The following SGIP1 variants were observed in gnomAD, a reference collection of about 807,000 sequenced individuals.
SGIP1 encodes the protein SH3-containing GRB2-like protein 3-interacting protein 1.
In SGIP1, 38 loss-of-function variants were observed where a neutral mutation model predicts 107.5. The observed-to-expected ratio is 0.35, with a 90% CI of 0.27 to 0.46. SGIP1 has a LOEUF of 0.46. Ranked by LOEUF, SGIP1 falls within the 20% of genes least tolerant of loss-of-function variation. SGIP1 has a pLI of 1.00. For synonymous variants in SGIP1, 365 were observed against 366.1 expected (o/e 1.00, Z 0.03); for missense variants, 929 against 1,019.5 (o/e 0.91, Z 1.21).
chr1:66,630,451 A>G (rs1183294126), intron 2 of SGIP1, among the ~76,000 whole-genome samples: 1 of 152,152 alleles, frequency 6.6e-6, no homozygotes, highest in South Asian at 2.1e-4. Context: ...TTGAAGTCCT[A>G]GTAAGAATTA....
intron 1 of SGIP1, among the ~76,000 whole-genome samples, chr1:66,625,325 G>C (rs2072395817): frequency 6.6e-6 from 1 of 152,216 alleles, no homozygotes; most frequent in African/African-American, 2.4e-5. Flanking sequence ...TTTGGGGTGT[G>C]TTCAGAGAAT....
chr1:66,605,058 C>G (rs2066565036), intron 1 of SGIP1, among the ~76,000 whole-genome samples: 1 of 152,146 alleles, frequency 6.6e-6, no homozygotes, highest in Admixed American at 6.5e-5. Context: ...AATCTAACCC[C>G]ATAAATGTTT....
chr1:66,690,344 C>A, intron 17 of SGIP1, 28 bp downstream of exon 17: 1 of 1,612,790 alleles, frequency 6.2e-7, no homozygotes, highest in Non-Finnish European at 8.5e-7. Context: ...TCTTTTAATC[C>A]GTTTGTGGTT....
At chr1:66,740,418 T>C (rs1358417827) in intron 22 of SGIP1, among the ~76,000 whole-genome samples, 1 of 152,228 alleles carries the variant, frequency 6.6e-6, no homozygotes, top group African/African-American at 2.4e-5. Flanking sequence ...AAAAAATTAA[T>C]TCTACTTTGT....
rs916010498 is a variant in SGIP1 at position 66,656,937 on chromosome 1, T to A, written c.460-3576T>A. Among the ~76,000 whole-genome samples the A allele has an allele frequency of 2.0e-5, 3 of 152,088 alleles. No individual in the cohort carries two copies. In the East Asian group the frequency reaches 5.8e-4, roughly 29 times the overall value. On this transcript the variant is annotated intron_variant, in intron 7 of 24. Coordinates refer to ENST00000371037, the MANE Select transcript of SGIP1 (RefSeq NM_032291.4). ...AATCCCAGTGCTTTGGGAAGCAACG[T>A]TGGGAGGATAGCTTGAGCCCAGGAG...
At chr1:66,732,126 A>T (rs1286415321) in intron 20 of SGIP1, among the ~76,000 whole-genome samples, 1 of 152,206 alleles carries the variant, frequency 6.6e-6, no homozygotes, top group African/African-American at 2.4e-5. Flanking sequence ...AGCATTATAT[A>T]ATTGAGGGTT....
At chr1:66,581,333 G>A (rs1364803461) in intron 1 of SGIP1, among the ~76,000 whole-genome samples, 2 of 151,844 alleles carry the variant, frequency 1.3e-5, no homozygotes, top group Admixed American at 1.3e-4. Context: ...TTCTTTTCTT[G>A]TATGTAAATA....
chr1:66,554,774 A>T (rs1281048718), intron 1 of SGIP1, among the ~76,000 whole-genome samples: 1 of 152,156 alleles, frequency 6.6e-6, no homozygotes, highest in African/African-American at 2.4e-5. Context: ...CTGGGTCCCA[A>T]GCATTTTGGA....
intron 1 of SGIP1, among the ~76,000 whole-genome samples, chr1:66,608,358 A>G (rs1284295065): frequency 1.3e-5 from 2 of 152,222 alleles, no homozygotes; most frequent in African/African-American, 2.4e-5. Flanking sequence ...TCTGATGATA[A>G]TATTTCTAAT....
rs2094510770 is a variant in SGIP1, at chr1:66,743,275, A to G, written c.*180A>G. The G allele has an allele frequency of 3.6e-6, 2 of 550,466 alleles. No homozygotes were observed. Among genetic ancestry groups the G allele is most frequent in the East Asian group, 3.1e-5 (1 of 32,556 alleles). The allele number at this position is 550,466 out of a possible 1,614,324, so 34.1% of individuals were successfully genotyped here. ...ACACTACCATGATGACCAGTCCTAC[A>G]GTATTTACTTCTAGGTGTAATATTG... On this transcript the variant is annotated 3_prime_UTR_variant, in exon 25 of 25. Transcript: ENST00000371037.
At chr1:66,551,156 C>A (rs547049414) in intron 1 of SGIP1, among the ~76,000 whole-genome samples, 1 of 152,004 alleles carries the variant, frequency 6.6e-6, no homozygotes. Flanking sequence ...ATTAAGGATG[C>A]CTTTGTTCTG....
rs559263890 is a variant in SGIP1 at position 66,714,749 on chromosome 1, G to A, written c.1631-4545G>A. ...CCTAAGGTTAAGAGATTTCCCCAAG[G>A]CCACAGAGCTCTTAACTTGCAGATC... On this transcript the variant is annotated intron_variant, in intron 18 of 24. Coordinates refer to ENST00000371037, the MANE Select transcript of SGIP1 (RefSeq NM_032291.4). Among the ~76,000 whole-genome samples, 37 of 152,176 alleles carry A rather than the reference G, an allele frequency of 2.4e-4. No individual in the cohort carries two copies. In the South Asian group the frequency reaches 7.3e-3, roughly 30 times the overall value.
chr1:66,739,251 G>A, intron 21 of SGIP1, 84 bp from the exon 22 acceptor site: 1 of 1,453,704 alleles, frequency 6.9e-7, no homozygotes, highest in Non-Finnish European at 9.4e-7. Flanking sequence ...CTTGTGAGCA[G>A]CATAAACAAC....
chr1:66,577,659 T>C (rs891755334), intron 1 of SGIP1, among the ~76,000 whole-genome samples: 4 of 152,184 alleles, frequency 2.6e-5, no homozygotes, highest in African/African-American at 7.2e-5. Context: ...TGTTTTTCTA[T>C]GTAAAATGGG....
chr1:66,539,876 T>C (rs938392315), intron 1 of SGIP1, among the ~76,000 whole-genome samples: 3 of 144,884 alleles, frequency 2.1e-5, no homozygotes, highest in African/African-American at 8.1e-5. Flanking sequence ...GCTGTGTTTA[T>C]GGCTTGTGGT....
intron 1 of SGIP1, among the ~76,000 whole-genome samples, chr1:66,583,561 C>A (rs554361960): frequency 1.2e-4 from 19 of 152,258 alleles, no homozygotes; most frequent in African/African-American, 4.6e-4. Context: ...CATTCAAGCA[C>A]AATCCTTTAA....
intron 18 of SGIP1, among the ~76,000 whole-genome samples, chr1:66,715,187 G>C (rs530047709): frequency 5.7e-4 from 86 of 152,196 alleles, no homozygotes; most frequent in African/African-American, 2.0e-3. Context: ...TCAACATTTG[G>C]ATAATGTTTG....
At chr1:66,685,770 G>C (rs2088060107) in intron 15 of SGIP1, among the ~76,000 whole-genome samples, 1 of 152,136 alleles carries the variant, frequency 6.6e-6, no homozygotes, top group African/African-American at 2.4e-5. Context: ...TCATTCTTTA[G>C]ATACAGCAGC....
chr1:66,667,581 G>T, intron 9 of SGIP1, 40 bp downstream of exon 9: 1 of 1,606,972 alleles, frequency 6.2e-7, no homozygotes, highest in South Asian at 1.1e-5. Flanking sequence ...CATGTATAGA[G>T]AAAATTGCTG....
Sources: gnomAD v4.1 joint callset for allele counts (sites outside exome capture counted in the v4.1 genomes callset) on GRCh38, gnomAD v4.1.1 for gene constraint, MANE v1.5 for transcripts, NCBI Gene and HGNC (gene_info 2026-07-23, HGNC 2026-07-21) for gene names.